SPDYE10: variants seen among roughly 807,000 people sequenced by gnomAD.
SPDYE10 encodes the protein speedy/RINGO cell cycle regulator family member E10.
the SPDYE10 span, among the ~76,000 whole-genome samples, chr7:73,137,900 G>C: frequency 7.5e-6 from 1 of 133,688 alleles, no homozygotes; most frequent in South Asian, 2.8e-4. Flanking sequence ...AGAGGGGAAG[G>C]GGAGGGGAAG....
chr7:73,114,504 A>G, the SPDYE10 span, among the ~76,000 whole-genome samples: 5 of 150,400 alleles, frequency 3.3e-5, no homozygotes, highest in Non-Finnish European at 7.4e-5. Context: ...AGTGTAAATC[A>G]GATCATGTCA....
chr7:73,122,354 A>G, the SPDYE10 span, among the ~76,000 whole-genome samples: 1 of 150,360 alleles, frequency 6.7e-6, no homozygotes, highest in Non-Finnish European at 1.5e-5. Flanking sequence ...AGGCCAAGAC[A>G]GGCAGATCAC....
the SPDYE10 span, among the ~76,000 whole-genome samples, chr7:73,148,979 CTT>C: frequency 1.7e-4 from 16 of 94,522 alleles, no homozygotes; most frequent in Admixed American, 2.4e-4. Flanking sequence ...CGAAAAATAA[CTT>C]TTTTTTTTTT....
the SPDYE10 span, among the ~76,000 whole-genome samples, chr7:73,142,924 C>A: frequency 1.5e-5 from 2 of 131,466 alleles, no homozygotes; most frequent in African/African-American, 2.8e-5. Flanking sequence ...CAGAGCAAGA[C>A]TCTGTCTCAA....
chr7:73,124,074 T>C, the SPDYE10 span, among the ~76,000 whole-genome samples: 4 of 150,170 alleles, frequency 2.7e-5, no homozygotes, highest in Non-Finnish European at 5.9e-5. Flanking sequence ...TGAGCCATTG[T>C]GCCTGACTAA....
At chr7:73,142,597 T>C in the SPDYE10 span, among the ~76,000 whole-genome samples, 1 of 152,296 alleles carries the variant, frequency 6.6e-6, no homozygotes, top group African/African-American at 2.4e-5. Flanking sequence ...CTTAAAGTTA[T>C]AGGACCCTTA....
At chr7:73,113,906 T>G in the SPDYE10 span, among the ~76,000 whole-genome samples, 2 of 151,940 alleles carry the variant, frequency 1.3e-5, no homozygotes, top group East Asian at 1.9e-4. Flanking sequence ...GGCACCTGTA[T>G]TCCCAGCTAC....
At chr7:73,153,302 G>A in the SPDYE10 span, among the ~76,000 whole-genome samples, 1 of 42,730 alleles carries the variant, frequency 2.3e-5, no homozygotes, top group Non-Finnish European at 4.1e-5. Flanking sequence ...GCAAGATTCC[G>A]ACTCAAAAAA....
the SPDYE10 span, among the ~76,000 whole-genome samples, chr7:73,147,787 A>T: frequency 3.4e-5 from 5 of 146,630 alleles, no homozygotes; most frequent in African/African-American, 1.3e-4. Flanking sequence ...AAGCCACCAT[A>T]CCTGGCCTGT....
chr7:73,141,320 C>G, the SPDYE10 span, among the ~76,000 whole-genome samples: 23 of 151,116 alleles, frequency 1.5e-4, no homozygotes, highest in Non-Finnish European at 3.0e-4. Context: ...GTCAGATCAC[C>G]TGCGGTCAGG....
chr7:73,127,638 T>G, the SPDYE10 span, among the ~76,000 whole-genome samples: 1 of 64,372 alleles, frequency 1.6e-5, no homozygotes, highest in Admixed American at 1.9e-4. Flanking sequence ...GGAAGACAAT[T>G]AAAAAAAAAA....
At chr7:73,123,787 CCCTCTCT>C in the SPDYE10 span, among the ~76,000 whole-genome samples, 41 of 143,678 alleles carry the variant, frequency 2.9e-4, no homozygotes, top group African/African-American at 1.0e-3. Flanking sequence ...CTCTCTCTCT[CCCTCTCT>C]CTCTCTCTCT....
the SPDYE10 span, chr7:73,111,278 TC>T: frequency 2.1e-6 from 2 of 963,884 alleles, no homozygotes; most frequent in South Asian, 3.2e-5. Flanking sequence ...TCTGACTTTC[TC>T]CTCTGCTCAA....
the SPDYE10 span, among the ~76,000 whole-genome samples, chr7:73,124,378 AGGATTCTCTTCT>A: frequency 7.9e-6 from 1 of 126,388 alleles, no homozygotes; most frequent in African/African-American, 2.8e-5. Context: ...GGACTGGTGC[AGGATTCTCTTCT>A]GGATAGCCTG....
At chr7:73,123,593 G>A in the SPDYE10 span, among the ~76,000 whole-genome samples, 1 of 152,086 alleles carries the variant, frequency 6.6e-6, no homozygotes, top group East Asian at 1.9e-4. Flanking sequence ...CACCCTCCTG[G>A]GATTACAGGC....
At chr7:73,123,788 C>CATCTCTCT in the SPDYE10 span, among the ~76,000 whole-genome samples, 1 of 97,458 alleles carries the variant, frequency 1.0e-5, no homozygotes, top group Non-Finnish European at 1.9e-5. Flanking sequence ...TCTCTCTCTC[C>CATCTCTCT]CTCTCTCTCT....
chr7:73,129,875 G>A, the SPDYE10 span, among the ~76,000 whole-genome samples: 1 of 152,098 alleles, frequency 6.6e-6, no homozygotes, highest in South Asian at 2.1e-4. Flanking sequence ...TTGAGACAGA[G>A]TCTTCCTCCG....
the SPDYE10 span, among the ~76,000 whole-genome samples, chr7:73,139,613 G>GC: frequency 6.7e-6 from 1 of 149,360 alleles, no homozygotes; most frequent in African/African-American, 2.5e-5. Flanking sequence ...GAGCCACCAC[G>GC]CCCCCTGGCC....
the SPDYE10 span, among the ~76,000 whole-genome samples, chr7:73,145,144 T>TTC: frequency 7.5e-6 from 1 of 132,920 alleles, no homozygotes; most frequent in Non-Finnish European, 1.6e-5. Flanking sequence ...TTCTTTCTCT[T>TTC]TTTCTTTCTT....
Sources: gnomAD v4.1 joint callset for allele counts (sites outside exome capture counted in the v4.1 genomes callset) on GRCh38, gnomAD v4.1.1 for gene constraint, MANE v1.5 for transcripts, NCBI Gene and HGNC (gene_info 2026-07-23, HGNC 2026-07-21) for gene names.